Variants in NELL2 observed in about 807,000 individuals in gnomAD.
NELL2 encodes the protein neural EGFL like 2.
NELL2 carries 41 observed loss-of-function variants against 109.6 expected under a neutral mutation model. The ratio of observed to expected loss-of-function variants is 0.37; its 90% CI spans 0.29 to 0.49. The LOEUF is 0.49. Among genes scored for constraint, NELL2 ranks in the 20% least tolerant of loss-of-function variants. The probability of loss-of-function intolerance (pLI) is 0.98; values close to 1 mark genes in which losing one functional copy is unlikely to be tolerated. For missense variants in NELL2, 900 were observed against 1,008.3 expected (o/e 0.89, Z 1.45); for synonymous variants, 355 against 344.7 (o/e 1.03, Z -0.33).
At chr12:44,757,403 T>G (rs1940936556) in intron 9 of NELL2, among the ~76,000 whole-genome samples, 1 of 152,152 alleles carries the variant, frequency 6.6e-6, no homozygotes, top group African/African-American at 2.4e-5. Context: ...TTCCTAATGC[T>G]TTGGGGATAA....
chr12:44,889,801 CTAAGG>C (rs1945513531), intron 1 of NELL2, among the ~76,000 whole-genome samples: 2 of 152,088 alleles, frequency 1.3e-5, no homozygotes, highest in Admixed American at 1.3e-4. Flanking sequence ...TTCTCTTTTT[CTAAGG>C]CTATACGTAG....
At chr12:44,827,410 T>G (rs958383396) in intron 2 of NELL2, among the ~76,000 whole-genome samples, 1 of 60,008 alleles carries the variant, frequency 1.7e-5, no homozygotes, top group Admixed American at 2.8e-4. Flanking sequence ...TTCTTCTAAC[T>G]GTTTTTTTTT....
chr12:44,553,020 C>G lies in NELL2; in HGVS notation c.1664-20299G>C, dbSNP rs1225186633. Among the ~76,000 whole-genome samples the G allele has an allele frequency of 1.8e-4, 27 of 147,576 alleles. No homozygotes were observed. In the Admixed American group the frequency reaches 1.9e-3, roughly 10 times the overall value. On this transcript the variant is annotated intron_variant, in intron 15 of 19. Coordinates refer to ENST00000429094, the MANE Select transcript of NELL2 (RefSeq NM_001145108.2). ...CATTCTCAGTAAACTATCGCAAGAA[C>G]AAAAAACCAAACACCGCATATTCTC...
chr12:44,825,631 G>A (rs967039101), intron 2 of NELL2, among the ~76,000 whole-genome samples: 1 of 149,920 alleles, frequency 6.7e-6, no homozygotes, highest in Middle Eastern at 3.2e-3. Context: ...CTTGACCTCA[G>A]GTGATCCGAC....
intron 9 of NELL2, among the ~76,000 whole-genome samples, chr12:44,749,013 C>A (rs146140152): frequency 6.6e-6 from 1 of 152,228 alleles, no homozygotes; most frequent in African/African-American, 2.4e-5. Context: ...AAATTAATAT[C>A]ACTCATGCCA....
intron 7 of NELL2, 87 bp from the exon 8 acceptor site, chr12:44,776,237 A>C: frequency 7.0e-7 from 1 of 1,423,646 alleles, no homozygotes; most frequent in Non-Finnish European, 9.6e-7. Flanking sequence ...TTTTTTTTAA[A>C]GTATGTAGCA....
chr12:44,774,108 A>C (rs1566362001), intron 9 of NELL2, among the ~76,000 whole-genome samples: 1 of 152,258 alleles, frequency 6.6e-6, no homozygotes, highest in Non-Finnish European at 1.5e-5. Context: ...TTAAAGTATA[A>C]GAAACATAAA....
chr12:44,826,478 A>T (rs1331464892), intron 2 of NELL2, among the ~76,000 whole-genome samples: 1 of 152,234 alleles, frequency 6.6e-6, no homozygotes, highest in Admixed American at 6.5e-5. Flanking sequence ...TTTATAATGC[A>T]AACTTATAAG....
At chr12:44,890,750 A>C (rs570242885) in intron 1 of NELL2, among the ~76,000 whole-genome samples, 14 of 149,242 alleles carry the variant, frequency 9.4e-5, no homozygotes, top group African/African-American at 3.4e-4. Context: ...ATTTTTTTTG[A>C]TACAGAGTCT....
rs540738460 is a variant in NELL2, at chr12:44,541,445, T to TA, written c.1664-8725dup. On this transcript the variant is annotated intron_variant, in intron 15 of 19. Coordinates refer to ENST00000429094, the MANE Select transcript of NELL2 (RefSeq NM_001145108.2). ...ATTAAATATATACTAACTGGAGCTTTAAAAAATGCAATGTTAAGACTTGGA... is the reference window on the plus strand; with the variant it reads ...ATTAAATATATACTAACTGGAGCTTTAAAAAAATGCAATGTTAAGACTTGGA... Among the ~76,000 whole-genome samples, 261 of 152,084 alleles carry TA rather than the reference T, an allele frequency of 1.7e-3. 1 individual carries two copies. The highest frequency in any genetic ancestry group is 3.6e-3 in the Admixed American group (55 of 15,268).
At position 44,891,084 on chromosome 12, in the gene NELL2, G is replaced by A. The variant is rs570354529; in HGVS notation, c.39-15184C>T. ...TAGTGGAAAAGGCACCTTCTCTATC[G>A]CTGCCCCTCCAGGTTAAGATATGCT... is the stretch of plus-strand genomic sequence containing the variant. On this transcript the variant is annotated intron_variant, in intron 1 of 20. Coordinates refer to the NELL2 transcript ENST00000333837. Among the ~76,000 whole-genome samples, 22 of 152,210 alleles carry A rather than the reference G, an allele frequency of 1.4e-4. No individual in the cohort carries two copies. The East Asian group carries it at 2.9e-3, about 20-fold the overall frequency.
chr12:44,767,433 A>T (rs1346933716), intron 9 of NELL2, among the ~76,000 whole-genome samples: 1 of 152,176 alleles, frequency 6.6e-6, no homozygotes, highest in African/African-American at 2.4e-5. Context: ...GGAAGAAAAC[A>T]TCTGGGACCA....
chr12:44,824,658 GTTATTTATTTATTTATTTATTTAT>G (rs143236607), intron 2 of NELL2, among the ~76,000 whole-genome samples: 6 of 140,608 alleles, frequency 4.3e-5, no homozygotes, highest in Admixed American at 7.1e-5. Flanking sequence ...GTTTTGTAGT[GTTATTTATTTATTTATTTATTTAT>G]TTATTTATTT....
intron 1 of NELL2, among the ~76,000 whole-genome samples, chr12:44,912,824 C>T (rs538237628): frequency 6.6e-6 from 1 of 152,258 alleles, no homozygotes; most frequent in East Asian, 1.9e-4. Flanking sequence ...AAGTTCATCA[C>T]AGTGCAGCAG....
chr12:44,791,185 TATATATA>T (rs2136630557), intron 3 of NELL2, among the ~76,000 whole-genome samples: 1 of 19,788 alleles, frequency 5.1e-5, no homozygotes, highest in Admixed American at 3.8e-4. Context: ...TATTCCATCA[TATATATA>T]TATATATATA....
At chr12:44,644,608 G>GTGTGTATATA (rs1461808442) in intron 13 of NELL2, among the ~76,000 whole-genome samples, 3 of 90,832 alleles carry the variant, frequency 3.3e-5, no homozygotes, top group African/African-American at 1.4e-4. Context: ...ATATATGTAT[G>GTGTGTATATA]TATATATATA....
intron 19 of NELL2, 40 bp downstream of exon 19, chr12:44,519,965 G>T: frequency 1.3e-6 from 2 of 1,552,756 alleles, no homozygotes; most frequent in Non-Finnish European, 1.8e-6. Context: ...CCTGGGTGCA[G>T]CTGGCAAAGT....
intron 15 of NELL2, among the ~76,000 whole-genome samples, chr12:44,538,393 G>A (rs1942386964): frequency 6.6e-6 from 1 of 152,198 alleles, no homozygotes; most frequent in African/African-American, 2.4e-5. Flanking sequence ...TCTAATATGT[G>A]CACATTCCAT....
At chr12:44,577,777 C>T (rs181630217) in intron 15 of NELL2, among the ~76,000 whole-genome samples, 20 of 152,082 alleles carry the variant, frequency 1.3e-4, no homozygotes, top group South Asian at 2.1e-4. Flanking sequence ...TGCACCTGGC[C>T]GAGCCTGCCT....
Sources: allele counts gnomAD v4.1 joint callset (sites outside exome capture counted in the v4.1 genomes callset), GRCh38; gene constraint gnomAD v4.1.1; transcripts MANE v1.5; gene names NCBI Gene and HGNC (gene_info 2026-07-23, HGNC 2026-07-21).